GPR157: variants seen among roughly 807,000 people sequenced by gnomAD.
GPR157 encodes G protein-coupled receptor 157.
In GPR157, 16 loss-of-function variants were observed where a neutral mutation model predicts 23.5. The observed-to-expected ratio is 0.68, with a 90% confidence interval of 0.46 to 1.04. The LOEUF (loss-of-function observed/expected upper bound fraction) is 1.04. Among genes scored for constraint, GPR157 ranks in the 50% least tolerant of loss-of-function variants. The pLI is 0.00. For missense variants in GPR157, 440 were observed against 460.7 expected, an observed-to-expected ratio of 0.96 and a Z score of 0.41; for synonymous variants, 200 against 221.5, an observed-to-expected ratio of 0.90 and a Z score of 0.86.
Position 9,128,848 on chromosome 1 carries a change from C to A in GPR157, c.180G>T (p.Ser60=). 1.3e-6 allele frequency: 2 copies of A among 1,596,332 alleles called. No individual in the cohort carries two copies. Among genetic ancestry groups the A allele is most frequent in the Non-Finnish European group, 1.7e-6 (2 of 1,172,330 alleles). ...GCACTCCGTAGAAGTAGGAGGCGGC[C>A]GAGAGCAGGTCGGCCAGCGACAGGA... ...LLFLSLADLL[S]AASYFYGVLQ... Residue 60 remains serine (S), a synonymous_variant, in exon 1 of 4, where the codon TCG becomes TCT. Transcript: ENST00000377411. The surrounding 1 kb of genome is among the most constrained non-coding windows in gnomAD (Gnocchi z 6.3).
chr1:9,114,968 ACAGGGAGGGG>A (rs1225160929), intron 1 of GPR157, among the ~76,000 whole-genome samples: 1 of 151,836 alleles, frequency 6.6e-6, no homozygotes, highest in African/African-American at 2.4e-5. Context: ...GGCCTGATCA[ACAGGGAGGGG>A]TTGTTTGAAC....
intron 1 of GPR157, among the ~76,000 whole-genome samples, chr1:9,125,644 A>G (rs1346720348): frequency 6.6e-6 from 1 of 152,180 alleles, no homozygotes; most frequent in Non-Finnish European, 1.5e-5. Context: ...ATTTAAAAAA[A>G]TGACTTACAG....
Position 9,128,651 on chromosome 1 carries a change from A to C in GPR157, c.377T>G (p.Val126Gly). 6.2e-7 allele frequency: 1 copy of C among 1,612,868 alleles called. No homozygotes were observed. The highest frequency in any genetic ancestry group is 8.5e-7 in the Non-Finnish European group (1 of 1,179,842). ...CAGCGCCACCGCCACCCACCTGACG[A>C]CATGGAAGGCCCAAAGCAGGCGATC... ...RTDRLLWAFH[V>G]VSWGVPLVIT... Residue 126 changes from valine to glycine, a missense_variant, in exon 1 of 4, where the codon GTC becomes GGC. Physicochemically the swap from Val to Gly is moderately radical, Grantham distance 109 (BLOSUM62 -3). Transcript: ENST00000377411. The surrounding 1 kb of genome is among the most constrained non-coding windows in gnomAD (Gnocchi z 6.3).
chr1:9,114,920 CAAAA>C (rs70985588), intron 1 of GPR157, among the ~76,000 whole-genome samples: 3 of 85,506 alleles, frequency 3.5e-5, no homozygotes, highest in African/African-American at 1.4e-4. Context: ...GACTCCGTCT[CAAAA>C]AAAAAAAAAA....
chr1:9,118,895 C>T lies in GPR157; in HGVS notation c.384-7406G>A, dbSNP rs1053214643. ...CAAAAAAATACATAAATTAGCCAGG[C>T]GTGGTGGCACACACCTGAAGTCCCA... On this transcript the variant is annotated intron_variant, in intron 1 of 3. Coordinates refer to ENST00000377411, the MANE Select transcript of GPR157 (RefSeq NM_024980.5). The surrounding 1 kb of genome is among the most constrained non-coding windows in gnomAD (Gnocchi z 4.6). 9.9e-5 allele frequency among the ~76,000 whole-genome samples: 15 copies of T among 152,150 alleles called. No individual in the cohort carries two copies. Among genetic ancestry groups the T allele is most frequent in the East Asian group, 3.9e-4 (2 of 5,166 alleles).
Position 9,105,068 on chromosome 1 carries a change from C to CACAT in GPR157, c.792+417_792+418insATGT, listed in dbSNP as rs535847433. ...ACACACACACACACACACACACACA[C>CACAT]ATGCATACACACATGCATACATGCA... On this transcript the variant is annotated intron_variant, in intron 3 of 3. Transcript: ENST00000377411. The surrounding 1 kb of genome is among the most constrained non-coding windows in gnomAD (Gnocchi z 4.8). Among the ~76,000 whole-genome samples, 384 of 144,548 alleles carry CACAT rather than the reference C, an allele frequency of 2.7e-3. 2 individuals are homozygous for CACAT. Among genetic ancestry groups the CACAT allele is most frequent in the African/African-American group, 9.5e-3 (361 of 37,904 alleles). 94.8% of individuals were successfully genotyped at this position (144,548 alleles called of 152,430 possible).
At chr1:9,127,030 C>T (rs1252544439) in intron 1 of GPR157, among the ~76,000 whole-genome samples, 1 of 152,024 alleles carries the variant, frequency 6.6e-6, no homozygotes, top group Non-Finnish European at 1.5e-5. Flanking sequence ...GAACTACAGG[C>T]ATGCGCCACC....
rs1162418768 is a variant in GPR157, at chr1:9,102,407, T to C, written c.*2012A>G. On this transcript the variant is annotated 3_prime_UTR_variant, in exon 4 of 4. Coordinates refer to ENST00000377411, the MANE Select transcript of GPR157 (RefSeq NM_024980.5). ...GCCTGGGCAATAGAGTGAGACTCCATCTCAAAAAAAAAAAAAAAAAAAAAG... is the reference window on the plus strand; with the variant it reads ...GCCTGGGCAATAGAGTGAGACTCCACCTCAAAAAAAAAAAAAAAAAAAAAG... The C allele has an allele frequency of 4.2e-5, 2 of 48,170 alleles. No individual in the cohort carries two copies. Among genetic ancestry groups the C allele is most frequent in the Non-Finnish European group, 3.3e-5 (1 of 30,692 alleles). The allele number at this position is 48,170 out of a possible 1,614,324, so 3.0% of individuals were successfully genotyped here.
chr1:9,112,237 G>A (rs1251101216), intron 1 of GPR157, among the ~76,000 whole-genome samples: 1 of 152,324 alleles, frequency 6.6e-6, no homozygotes, highest in East Asian at 1.9e-4. Flanking sequence ...GTCTAGGAGT[G>A]CACACACTGG....
In GPR157 at chr1:9,104,546, C is replaced by A; in HGVS notation, c.881G>T (p.Cys294Phe). The A allele has an allele frequency of 6.2e-7, 1 of 1,613,826 alleles. No homozygotes were observed. The highest frequency in any genetic ancestry group is 8.5e-7 in the Non-Finnish European group (1 of 1,179,958). ...AGGCTGAGAAGAGCAGCAGCAGCAA[C>A]AGAGAGAGAAGAGCCGAGTTCGGAC... ...RAVRTRLFSL[C>F]CCCCSSQPPT... is the part of the protein sequence containing the mutation. Residue 294 changes from cysteine (C) to phenylalanine (F), a missense_variant, in exon 4 of 4, where the codon TGT (cysteine) becomes TTT (phenylalanine). Coordinates refer to ENST00000377411, the MANE Select transcript of GPR157 (RefSeq NM_024980.5).
rs181624041 is a variant in GPR157, at chr1:9,105,746, G to T, written c.598-66C>A. ...CCCTCCCGCCACGTCCACCCAGGCT[G>T]CCCAGGTCTTCCCAGGGACTTGAAC... On this transcript the variant is annotated intron_variant, in intron 2 of 3. Transcript: ENST00000377411. The surrounding 1 kb of genome is among the most constrained non-coding windows in gnomAD (Gnocchi z 4.8). 1,535 of 1,409,972 alleles carry T rather than the reference G, an allele frequency of 1.1e-3. 5 individuals carry two copies. The highest frequency in any genetic ancestry group is 1.3e-3 in the Non-Finnish European group (1,382 of 1,031,574). 87.3% of individuals were successfully genotyped at this position (1,409,972 alleles called of 1,614,324 possible).
rs561528475 is a variant in GPR157 at position 9,103,308 on chromosome 1, C to A, written c.*1111G>T. 1 of 152,352 alleles carries A rather than the reference C, an allele frequency of 6.6e-6. No homozygotes were observed. Among genetic ancestry groups the A allele is most frequent in the South Asian group, 2.1e-4 (1 of 4,830 alleles). 9.4% of individuals were successfully genotyped at this position (152,352 alleles called of 1,614,324 possible). A position where few individuals can be genotyped will look rare whatever the true frequency, so the allele number is the denominator to read the frequency against. On this transcript the variant is annotated 3_prime_UTR_variant, in exon 4 of 4. Transcript: ENST00000377411. ...CCTCCCAAAGACCTGGGATTACAGA[C>A]GTGCATCACCATGCCTGGCTAATTT...
At chr1:9,111,172 C>A (rs374441092) in intron 2 of GPR157, 104 bp downstream of exon 2, 2 of 1,032,332 alleles carry the variant, frequency 1.9e-6, no homozygotes, top group Non-Finnish European at 3.0e-6. Flanking sequence ...GTTCTGTCCC[C>A]AGAGACGCAA....
chr1:9,127,184 C>T (rs546021066), intron 1 of GPR157, among the ~76,000 whole-genome samples: 4 of 152,074 alleles, frequency 2.6e-5, no homozygotes, highest in Non-Finnish European at 4.4e-5. Context: ...GGGCCTACTT[C>T]TTTATCAAAG....
chr1:9,123,717 T>A, intron 1 of GPR157, among the ~76,000 whole-genome samples: 1 of 120,796 alleles, frequency 8.3e-6, no homozygotes, highest in Non-Finnish European at 1.6e-5. Flanking sequence ...AATATGTATT[T>A]ATATATAATT....
intron 1 of GPR157, among the ~76,000 whole-genome samples, chr1:9,119,118 C>T (rs547993387): frequency 6.6e-6 from 1 of 151,586 alleles, no homozygotes; most frequent in South Asian, 2.1e-4. Flanking sequence ...GGCAAACCTC[C>T]GCCTCCCAGG....
intron 1 of GPR157, among the ~76,000 whole-genome samples, chr1:9,112,245 TG>T (rs778825760): frequency 2.6e-5 from 4 of 152,192 alleles, no homozygotes; most frequent in South Asian, 4.1e-4. Context: ...GTGCACACAC[TG>T]GGGGCTTAGG....
Position 9,123,425 on chromosome 1 carries a change from T to A in GPR157, c.383+5220A>T, listed in dbSNP as rs1207933495. Among the ~76,000 whole-genome samples, 26 of 106,522 alleles carry A rather than the reference T, an allele frequency of 2.4e-4. 1 individual carries two copies. The highest frequency in any genetic ancestry group is 9.5e-4 in the African/African-American group (23 of 24,286). The allele number at this position is 106,522 out of a possible 152,430, so 69.9% of individuals were successfully genotyped here. A position where few individuals can be genotyped will look rare whatever the true frequency, so the allele number is the denominator to read the frequency against. ...TATTTAATTTAAATACATATTAAAATATATATATTTAATTTAAATACATAT... is the reference window on the plus strand; with the variant it reads ...TATTTAATTTAAATACATATTAAAAAATATATATTTAATTTAAATACATAT... On this transcript the variant is annotated intron_variant, in intron 1 of 3. Transcript: ENST00000377411.
intron 1 of GPR157, among the ~76,000 whole-genome samples, chr1:9,125,906 C>T (rs571750371): frequency 1.8e-4 from 27 of 151,802 alleles, no homozygotes; most frequent in African/African-American, 5.8e-4. Context: ...TCAATTCACA[C>T]CATCAATAAT....
Sources: gnomAD v4.1 joint callset for allele counts (sites outside exome capture counted in the v4.1 genomes callset) on GRCh38, gnomAD v4.1.1 for gene constraint, Gnocchi (gnomAD v3.1) non-coding constraint, MANE v1.5 for transcripts, NCBI Gene and HGNC (gene_info 2026-07-23, HGNC 2026-07-21) for gene names.